The following DEAF1 variants were observed in gnomAD, a reference collection of about 807,000 sequenced individuals.
DEAF1 encodes the protein deformed epidermal autoregulatory factor 1 homolog.
A neutral mutation model predicts 58.9 loss-of-function variants in DEAF1; 53 were observed. The ratio of observed to expected loss-of-function variants is 0.90; its 90% confidence interval spans 0.72 to 1.13. The LOEUF (loss-of-function observed/expected upper bound fraction) is 1.13, where lower values mean the gene tolerates loss of function less well. Among genes scored for constraint, DEAF1 ranks in the 50% most tolerant of loss-of-function variants. The probability of loss-of-function intolerance (pLI) is 0.00; values close to 1 mark genes in which losing one functional copy is unlikely to be tolerated. For missense variants in DEAF1, 685 were observed against 791.4 expected (o/e 0.87, Z 1.61); for synonymous variants, 385 against 340.4 (o/e 1.13, Z -1.44).
intron 11 of DEAF1, among the ~76,000 whole-genome samples, chr11:645,904 C>A (rs1054453214): frequency 5.9e-5 from 9 of 152,140 alleles, no homozygotes; most frequent in Non-Finnish European, 1.2e-4. Context: ...TAAATGCTTC[C>A]AAATGGTGAC....
In DEAF1 at chr11:671,976, G is replaced by A. The variant is rs576588501; in HGVS notation, c.1503+2560C>T. Among the ~76,000 whole-genome samples, 9 of 152,168 alleles carry A rather than the reference G, an allele frequency of 5.9e-5. No individual in the cohort carries two copies. In the East Asian group the frequency reaches 1.7e-3, roughly 29 times the overall value. On this transcript the variant is annotated intron_variant, in intron 10 of 11. Transcript: ENST00000382409. ...TCCCGCTTTGCCATCTGCCATGATG[G>A]TGAGACCTCCCCAGCCATGTGGAGC...
At chr11:683,646 G>A (rs1268906977) in intron 6 of DEAF1, among the ~76,000 whole-genome samples, 1 of 151,806 alleles carries the variant, frequency 6.6e-6, no homozygotes. Context: ...GAATCAGCTT[G>A]TCTGCATCTA....
chr11:682,787 G>T (rs1289622495), intron 6 of DEAF1, among the ~76,000 whole-genome samples: 2 of 152,204 alleles, frequency 1.3e-5, no homozygotes, highest in Non-Finnish European at 2.9e-5. Flanking sequence ...TCTGCCCTCT[G>T]AGTGGGGATG....
intron 10 of DEAF1, among the ~76,000 whole-genome samples, chr11:658,887 A>G (rs1859189854): frequency 6.6e-6 from 1 of 152,262 alleles, no homozygotes; most frequent in Non-Finnish European, 1.5e-5. Flanking sequence ...CCAGGTGGAA[A>G]AAAGCCTTGT....
rs537062805 is a variant in DEAF1 at position 647,144 on chromosome 11, C to T, written c.1594-2490G>A. 7.9e-5 allele frequency among the ~76,000 whole-genome samples: 12 copies of T among 152,142 alleles called. No individual in the cohort carries two copies. The East Asian group carries it at 1.7e-3, about 22-fold the overall frequency. ...CTGGACTGCAGCCTGGGTGACAAAG[C>T]GAGACCCTGTCTATAGAAAACCTAA... On this transcript the variant is annotated intron_variant, in intron 11 of 11. Transcript: ENST00000382409.
Position 686,886 on chromosome 11 carries a change from G to A in DEAF1, c.776C>T (p.Ala259Val), listed in dbSNP as rs1564949612. 4 of 1,614,090 alleles carry A rather than the reference G, an allele frequency of 2.5e-6. No individual in the cohort carries two copies. The highest frequency in any genetic ancestry group is 2.2e-5 in the East Asian group (1 of 44,904). ...GATGAGGCACTGCAAGGGTCGGCCC[G>A]CGTAGCGAATGCTTCTTTTCCAGTC... Reference protein sequence around the residue: ...SKDWKRSIRYAGRPLQCLIQD... With the variant: ...SKDWKRSIRYVGRPLQCLIQD... Residue 259 changes from alanine (A) to valine (V), a missense_variant, in exon 5 of 12, where the codon GCG becomes GTG. Physicochemically the swap from Ala to Val is moderately conservative, Grantham distance 64. Transcript: ENST00000382409.
chr11:670,499 G>C (rs1859764188), intron 10 of DEAF1, among the ~76,000 whole-genome samples: 1 of 150,912 alleles, frequency 6.6e-6, no homozygotes, highest in South Asian at 2.1e-4. Context: ...TAGATCACTT[G>C]AGGCCTGGAG....
intron 11 of DEAF1, among the ~76,000 whole-genome samples, chr11:652,554 CTT>C (rs940806549): frequency 5.9e-5 from 9 of 152,006 alleles, no homozygotes; most frequent in African/African-American, 2.2e-4. Flanking sequence ...AGGAGAATCA[CTT>C]GAACCCGGGA....
At chr11:668,803 C>CA (rs1859671077) in intron 10 of DEAF1, among the ~76,000 whole-genome samples, 1 of 151,972 alleles carries the variant, frequency 6.6e-6, no homozygotes, top group Non-Finnish European at 1.5e-5. Context: ...GCCTGGGTGA[C>CA]AAAGTGAAAC....
chr11:667,419 G>A (rs559702162), intron 10 of DEAF1, among the ~76,000 whole-genome samples: 1 of 148,906 alleles, frequency 6.7e-6, no homozygotes, highest in Non-Finnish European at 1.5e-5. Flanking sequence ...AAGGAGGGAA[G>A]GAGGAAAAGA....
At chr11:687,785 C>T (rs1564950285) in intron 4 of DEAF1, 126 bp downstream of exon 4, 13 of 1,318,322 alleles carry the variant, frequency 9.9e-6, no homozygotes, top group South Asian at 2.4e-5. Context: ...CATCAGCCAC[C>T]GCGCCCAGCC....
intron 7 of DEAF1, among the ~76,000 whole-genome samples, chr11:680,437 T>C (rs1435106413): frequency 6.6e-6 from 1 of 152,188 alleles, no homozygotes; most frequent in Non-Finnish European, 1.5e-5. Flanking sequence ...ATTTAAATCC[T>C]GTCTGTACAA....
chr11:647,303 A>C (rs1202011668), intron 11 of DEAF1, among the ~76,000 whole-genome samples: 1 of 152,006 alleles, frequency 6.6e-6, no homozygotes, highest in Admixed American at 6.6e-5. Flanking sequence ...AAAATACAAA[A>C]ATTAGCCGGA....
At chr11:677,181 G>A (rs554430293) in intron 9 of DEAF1, among the ~76,000 whole-genome samples, 41 of 151,176 alleles carry the variant, frequency 2.7e-4, no homozygotes, top group Admixed American at 2.4e-3. Flanking sequence ...GCCCAGGCCG[G>A]TCTCAAACTC....
At chr11:703,327 A>G in intron 1 of DEAF1, 1 of 1,407,246 alleles carries the variant, frequency 7.1e-7, no homozygotes, top group South Asian at 1.7e-5. Flanking sequence ...AGGGCAGAAC[A>G]AACTGCTGGA....
chr11:697,209 A>G (rs1041395731), upstream of DEAF1, among the ~76,000 whole-genome samples: 2 of 151,784 alleles, frequency 1.3e-5, no homozygotes, highest in African/African-American at 4.8e-5. Context: ...AGCTGTGATC[A>G]GGCCACTGCA....
chr11:700,658 T>C (rs1237510336), intron 1 of DEAF1: 1 of 1,614,202 alleles, frequency 6.2e-7, no homozygotes, highest in Non-Finnish European at 8.5e-7. Context: ...TCCTCGATCT[T>C]GCTCTGCTGT....
intron 5 of DEAF1, among the ~76,000 whole-genome samples, chr11:685,521 C>T (rs1860555132): frequency 6.6e-6 from 1 of 151,896 alleles, no homozygotes; most frequent in East Asian, 2.0e-4. Flanking sequence ...ATGGTGAAAC[C>T]TCGTGTCTGC....
upstream of DEAF1, chr11:698,901 G>T: frequency 1.2e-6 from 2 of 1,613,980 alleles, no homozygotes; most frequent in Non-Finnish European, 1.7e-6. Context: ...ATCCTGCTGC[G>T]TGCCCCTCCA....
Sources: allele counts gnomAD v4.1 joint callset (sites outside exome capture counted in the v4.1 genomes callset), GRCh38; gene constraint gnomAD v4.1.1; transcripts MANE v1.5; gene names NCBI Gene and HGNC (gene_info 2026-07-23, HGNC 2026-07-21).